The following PID1 variants were observed in gnomAD, a reference collection of about 807,000 sequenced individuals.
PID1 encodes phosphotyrosine interaction domain containing 1.
A neutral mutation model predicts 19.1 loss-of-function variants in PID1; 10 were observed. That is an observed-to-expected ratio of 0.52 (90% CI 0.32 to 0.89). PID1 has a LOEUF of 0.89. Among genes scored for constraint, PID1 ranks in the 40% least tolerant of loss-of-function variants. The probability of loss-of-function intolerance (pLI) is 0.03; values close to 1 mark genes in which losing one functional copy is unlikely to be tolerated. For synonymous variants in PID1, 130 were observed against 116.0 expected, an observed-to-expected ratio of 1.12 and a Z score of -0.78; for missense variants, 248 against 285.3, an observed-to-expected ratio of 0.87 and a Z score of 0.94.
chr2:229,233,233 T>C (rs938485333), intron 1 of PID1, among the ~76,000 whole-genome samples: 1 of 152,136 alleles, frequency 6.6e-6, no homozygotes, highest in African/African-American at 2.4e-5. Context: ...TTATTCAAAT[T>C]GGATTACTTG....
chr2:229,071,569 T>C (rs1478160817), intron 2 of PID1, among the ~76,000 whole-genome samples: 3 of 152,222 alleles, frequency 2.0e-5, no homozygotes, highest in South Asian at 4.1e-4. Flanking sequence ...TGATATCTTC[T>C]ATATATAAGT....
rs1307179901 is a variant in PID1 at position 229,105,147 on chromosome 2, C to T, written c.177+50671G>A. 3.9e-5 allele frequency among the ~76,000 whole-genome samples: 6 copies of T among 152,310 alleles called. No individual in the cohort carries two copies. The South Asian group carries it at 1.0e-3, about 26-fold the overall frequency. ...CATCCTTACGCAAGAGGGATCACCA[C>T]GTTGTAACATGTTATCACATAATTT... On this transcript the variant is annotated intron_variant, in intron 2 of 2. Transcript: ENST00000392055.
chr2:229,096,850 T>G (rs1343929607), intron 2 of PID1, among the ~76,000 whole-genome samples: 1 of 152,132 alleles, frequency 6.6e-6, no homozygotes, highest in African/African-American at 2.4e-5. Flanking sequence ...AACCCCACAG[T>G]TGGATCTCAA....
At chr2:229,104,361 T>C (rs970575958) in intron 2 of PID1, among the ~76,000 whole-genome samples, 5 of 152,234 alleles carry the variant, frequency 3.3e-5, no homozygotes, top group Admixed American at 3.3e-4. Flanking sequence ...AACAATGCAA[T>C]TGAAAACAGA....
intron 1 of PID1, among the ~76,000 whole-genome samples, chr2:229,207,230 T>C (rs1574721882): frequency 6.6e-6 from 1 of 152,054 alleles, no homozygotes; most frequent in Non-Finnish European, 1.5e-5. Context: ...TTGCATAACA[T>C]TGGTGTAGGG....
chr2:229,104,471 T>G (rs1459881146), intron 2 of PID1, among the ~76,000 whole-genome samples: 1 of 152,254 alleles, frequency 6.6e-6, no homozygotes, highest in Non-Finnish European at 1.5e-5. Context: ...TACAAATGTG[T>G]ACTCCTATTA....
At chr2:229,264,635 G>A (rs1021124464) in intron 1 of PID1, among the ~76,000 whole-genome samples, 4 of 152,214 alleles carry the variant, frequency 2.6e-5, no homozygotes, top group African/African-American at 7.2e-5. Context: ...TGAGGAGACA[G>A]AGACAAGTGG....
chr2:229,233,206 T>C (rs1235980533), intron 1 of PID1, among the ~76,000 whole-genome samples: 1 of 152,208 alleles, frequency 6.6e-6, no homozygotes, highest in Non-Finnish European at 1.5e-5. Flanking sequence ...CTTACGTCTT[T>C]CATAATATAA....
chr2:229,116,385 C>T (rs1043633004), intron 2 of PID1, among the ~76,000 whole-genome samples: 3 of 152,148 alleles, frequency 2.0e-5, no homozygotes, highest in African/African-American at 7.2e-5. Flanking sequence ...GCACTTCATC[C>T]TGCCCACGCA....
chr2:229,229,216 C>T (rs893789152), intron 1 of PID1, among the ~76,000 whole-genome samples: 1 of 152,280 alleles, frequency 6.6e-6, no homozygotes, highest in African/African-American at 2.4e-5. Flanking sequence ...GGCTCTAGAG[C>T]ACACACTTTC....
intron 2 of PID1, among the ~76,000 whole-genome samples, chr2:229,083,816 G>A (rs1414962625): frequency 6.6e-6 from 1 of 152,160 alleles, no homozygotes; most frequent in East Asian, 1.9e-4. Flanking sequence ...CCTTGGTCAC[G>A]TGCAATAGCT....
At chr2:229,047,122 C>T (rs903167307) in intron 2 of PID1, among the ~76,000 whole-genome samples, 7 of 152,210 alleles carry the variant, frequency 4.6e-5, no homozygotes, top group African/African-American at 1.7e-4. Flanking sequence ...GTCCTGTCTG[C>T]CGCTGCTCAT....
chr2:229,178,867 C>T (rs930172441), intron 1 of PID1, among the ~76,000 whole-genome samples: 3 of 151,974 alleles, frequency 2.0e-5, no homozygotes, highest in Non-Finnish European at 4.4e-5. Context: ...CCCTATGCAC[C>T]GGGCACAAGT....
At chr2:229,239,546 GT>G (rs1307171490) in intron 1 of PID1, among the ~76,000 whole-genome samples, 2 of 152,056 alleles carry the variant, frequency 1.3e-5, no homozygotes, top group Non-Finnish European at 2.9e-5. Context: ...AAGGAAATAT[GT>G]TAGACATCTA....
chr2:229,135,715 G>A (rs551224698), intron 2 of PID1, among the ~76,000 whole-genome samples: 61 of 152,230 alleles, frequency 4.0e-4, no homozygotes, highest in Non-Finnish European at 5.1e-4. Flanking sequence ...AGTGATGCAC[G>A]GCATAAAAAC....
intron 1 of PID1, chr2:229,231,992 G>C: frequency 6.4e-7 from 1 of 1,550,464 alleles, no homozygotes; most frequent in Non-Finnish European, 8.7e-7. Context: ...GAGAGCTGCA[G>C]CACTTGGAAG....
chr2:229,071,985 T>A (rs934006588), intron 2 of PID1, among the ~76,000 whole-genome samples: 5 of 152,206 alleles, frequency 3.3e-5, no homozygotes, highest in African/African-American at 1.2e-4. Context: ...CATTTTATAT[T>A]CCCAAATGGC....
intron 1 of PID1, among the ~76,000 whole-genome samples, chr2:229,230,581 A>C (rs1474802406): frequency 2.0e-5 from 3 of 152,226 alleles, no homozygotes; most frequent in Non-Finnish European, 4.4e-5. Flanking sequence ...GATTTTCAAC[A>C]TTTGTTTCAT....
At chr2:229,229,550 C>T (rs1320628620) in intron 1 of PID1, among the ~76,000 whole-genome samples, 3 of 152,214 alleles carry the variant, frequency 2.0e-5, no homozygotes, top group African/African-American at 4.8e-5. Context: ...GTGGAAGGAT[C>T]GCCTGAGCCC....
Sources: gnomAD v4.1 joint callset for allele counts (sites outside exome capture counted in the v4.1 genomes callset) on GRCh38, gnomAD v4.1.1 for gene constraint, MANE v1.5 for transcripts, NCBI Gene and HGNC (gene_info 2026-07-23, HGNC 2026-07-21) for gene names.